MFN2: variants seen among roughly 807,000 people sequenced by gnomAD.
The protein encoded by MFN2 is mitofusin 2, also known as mitofusin-2.
In MFN2, 43 loss-of-function variants were observed where a neutral mutation model predicts 87.5. The observed-to-expected ratio is 0.49, with a 90% CI of 0.38 to 0.63. The LOEUF (loss-of-function observed/expected upper bound fraction) is 0.63. Ranked by LOEUF, MFN2 falls within the 30% of genes least tolerant of loss-of-function variation. The pLI, the probability that MFN2 is intolerant of heterozygous loss-of-function variation, is 0.00. For synonymous variants in MFN2, 337 were observed against 359.9 expected, an observed-to-expected ratio of 0.94 and a Z score of 0.72; for missense variants, 743 against 972.8, an observed-to-expected ratio of 0.76 and a Z score of 3.14.
intron 5 of MFN2, among the ~76,000 whole-genome samples, chr1:11,996,902 G>A (rs1272277745): frequency 6.6e-6 from 1 of 152,182 alleles, no homozygotes; most frequent in Non-Finnish European, 1.5e-5. Context: ...GCTGGGCGTG[G>A]TGGTAGGCAC....
intron 4 of MFN2, among the ~76,000 whole-genome samples, chr1:11,993,270 C>G (rs531337772): frequency 5.9e-5 from 9 of 151,314 alleles, no homozygotes; most frequent in Non-Finnish European, 1.3e-4. Flanking sequence ...AACTTTTATT[C>G]CACTTACATG....
Position 11,992,650 on chromosome 1 carries a change from G to A in MFN2, c.271G>A (p.Val91Met), listed in dbSNP as rs1557519001. ...YLSKVRGISE[V>M]LARRHMKVAF... ...ATCCAAAGTGAGAGGCATCAGTGAG[G>A]TGCTGGCTCGGAGGCACATGAAAGT... Residue 91 changes from valine (V) to methionine (M), a missense_variant, in exon 4 of 19, where the codon GTG (valine) becomes ATG (methionine). Val to Met is a conservative substitution (Grantham distance 21, BLOSUM62 1). Coordinates refer to ENST00000235329, the MANE Select transcript of MFN2 (RefSeq NM_014874.4). 1.2e-6 allele frequency: 2 copies of A among 1,614,220 alleles called. No homozygotes were observed. The highest frequency in any genetic ancestry group is 1.1e-5 in the South Asian group (1 of 91,084).
intron 1 of MFN2, among the ~76,000 whole-genome samples, chr1:11,980,826 C>T (rs1292951821): frequency 6.6e-6 from 1 of 152,244 alleles, no homozygotes; most frequent in East Asian, 1.9e-4. Context: ...TCCACGTTCA[C>T]CGCGGGAGCG....
Position 12,013,313 on chromosome 1 carries a change from C to T in MFN2, c.*1748C>T, listed in dbSNP as rs565302510. 8.5e-6 allele frequency: 4 copies of T among 469,286 alleles called. No individual in the cohort carries two copies. The highest frequency in any genetic ancestry group is 6.3e-5 in the South Asian group (4 of 63,924). The allele number at this position is 469,286 out of a possible 1,614,324, so 29.1% of individuals were successfully genotyped here. On this transcript the variant is annotated 3_prime_UTR_variant, in exon 19 of 19. Coordinates refer to ENST00000235329, the MANE Select transcript of MFN2 (RefSeq NM_014874.4). ...TAAATTTATACCACTGAGGGAGAGA[C>T]CCTTTCTGAAAGAAGTATGGCCAAA...
At chr1:12,006,817 T>C in intron 16 of MFN2, 124 bp downstream of exon 16, 1 of 1,424,146 alleles carries the variant, frequency 7.0e-7, no homozygotes, top group East Asian at 2.3e-5. Context: ...TACTTTCTCC[T>C]CTGTGATTGC....
In MFN2 at chr1:12,013,096, T is replaced by C. The variant is rs1557541291; in HGVS notation, c.*1531T>C. The C allele has an allele frequency of 1.1e-4, 38 of 344,766 alleles. No individual in the cohort carries two copies. The highest frequency in any genetic ancestry group is 8.5e-4 in the South Asian group (38 of 44,736). 21.4% of individuals were successfully genotyped at this position (344,766 alleles called of 1,614,324 possible). A position where few individuals can be genotyped will look rare whatever the true frequency, so the allele number is the denominator to read the frequency against. ...CAGGTGGACATGCTGTGGGTGGATGTTCCCGGCGTGTGCCGGGCCTGAATG... is the reference window on the plus strand; with the variant it reads ...CAGGTGGACATGCTGTGGGTGGATGCTCCCGGCGTGTGCCGGGCCTGAATG... On this transcript the variant is annotated 3_prime_UTR_variant, in exon 19 of 19. Transcript: ENST00000235329.
In MFN2 at chr1:12,002,096, G is replaced by A; in HGVS notation, c.1153G>A (p.Glu385Lys). The A allele has an allele frequency of 6.2e-7, 1 of 1,614,234 alleles. No individual in the cohort carries two copies. The highest frequency in any genetic ancestry group is 8.5e-7 in the Non-Finnish European group (1 of 1,180,038). ...GGACTCCCTGCACATGGCGGCTCGG[G>A]AGCAGCAGTAAGAGTCCAAGACTGC... ...IMDSLHMAAREQQVYCEEMRE... is the reference protein window; with the variant it reads ...IMDSLHMAARKQQVYCEEMRE... Residue 385 changes from glutamate to lysine, a missense_variant, in exon 11 of 19, where the codon GAG (glutamate) becomes AAG (lysine). This residue lies in a region of MFN2 where 571 missense variants were observed against 670.7 expected (regional missense o/e 0.85). Coordinates refer to ENST00000235329, the MANE Select transcript of MFN2 (RefSeq NM_014874.4).
chr1:11,997,346 C>T lies in MFN2; in HGVS notation c.524C>T (p.Ala175Val), dbSNP rs370569875. ...HALHQDKQLH[A>V]GSLVSVMWPN... ...CTCCACCAGGACAAGCAGCTCCATG[C>T]CGGCAGCCTAGTGAGTGTGATGTGG... The change falls in exon 6 of 19, where the codon GCC (alanine) becomes GTC (valine). Residue 175 changes from alanine (A) to valine (V), a missense_variant. Transcript: ENST00000235329. The T allele has an allele frequency of 3.1e-6, 5 of 1,614,192 alleles. No homozygotes were observed. Among genetic ancestry groups the T allele is most frequent in the Non-Finnish European group, 4.2e-6 (5 of 1,180,022 alleles).
chr1:12,011,957 G>A lies in MFN2; in HGVS notation c.*392G>A, dbSNP rs1639715640. The stretch of plus-strand genomic sequence containing the variant: ...ACACCCCCACCTTCCTCCAGCCTGT[G>A]CGCACCTGCCCTCCTTGCAGCCCAG... On this transcript the variant is annotated 3_prime_UTR_variant, in exon 19 of 19. Coordinates refer to ENST00000235329, the MANE Select transcript of MFN2 (RefSeq NM_014874.4). The A allele has an allele frequency of 3.6e-6, 1 of 275,448 alleles. No individual in the cohort carries two copies. The highest frequency in any genetic ancestry group is 7.1e-6 in the Non-Finnish European group (1 of 140,284). The allele number at this position is 275,448 out of a possible 1,614,324, so 17.1% of individuals were successfully genotyped here. A position where few individuals can be genotyped will look rare whatever the true frequency, so the allele number is the denominator to read the frequency against.
chr1:12,004,725 G>T lies in MFN2; in HGVS notation c.1393-100G>T. On this transcript the variant is annotated intron_variant, in intron 13 of 18. Transcript: ENST00000235329. The surrounding 1 kb of genome is among the most constrained non-coding windows in gnomAD (Gnocchi z 4.2). ...GTGACAGTAGAAGCCACAGAGACAAGGCCCAGGCTTCCGTCAGCCTTCTGG... is the reference window on the plus strand; with the variant it reads ...GTGACAGTAGAAGCCACAGAGACAATGCCCAGGCTTCCGTCAGCCTTCTGG... 2 of 1,489,816 alleles carry T rather than the reference G, an allele frequency of 1.3e-6. No homozygotes were observed. The highest frequency in any genetic ancestry group is 1.9e-6 in the Non-Finnish European group (2 of 1,069,630). The allele number at this position is 1,489,816 out of a possible 1,614,324, so 92.3% of individuals were successfully genotyped here. A position where few individuals can be genotyped will look rare whatever the true frequency, so the allele number is the denominator to read the frequency against.
At position 11,989,352 on chromosome 1, in the gene MFN2, G is replaced by C. The variant is rs373340717; in HGVS notation, c.175+9G>C. On this transcript the variant is annotated intron_variant, in intron 3 of 18. Transcript: ENST00000235329. ...CGCCACCTTCCTTGAAGGTAAGGGG[G>C]CACCGGCTCAGCCAGGCCCGCTCTT... The C allele has an allele frequency of 6.2e-7, 1 of 1,613,524 alleles. No individual in the cohort carries two copies. The highest frequency in any genetic ancestry group is 1.7e-5 in the Admixed American group (1 of 59,966).
At chr1:12,010,753 C>T (rs1271858898) in intron 18 of MFN2, among the ~76,000 whole-genome samples, 1 of 152,184 alleles carries the variant, frequency 6.6e-6, no homozygotes, top group Non-Finnish European at 1.5e-5. Flanking sequence ...AGTAAGATTT[C>T]ATGACACAGC....
chr1:11,997,826 AG>A (rs1638977327), intron 6 of MFN2, among the ~76,000 whole-genome samples: 1 of 146,022 alleles, frequency 6.8e-6, no homozygotes, highest in African/African-American at 2.5e-5. Context: ...ACAGTATTGT[AG>A]TGTTTATCTG....
At chr1:12,010,198 G>A (rs1639631512) in intron 18 of MFN2, among the ~76,000 whole-genome samples, 1 of 152,192 alleles carries the variant, frequency 6.6e-6, no homozygotes, top group Non-Finnish European at 1.5e-5. Context: ...CCTCATGGAT[G>A]CCAGATGGTG....
chr1:11,994,228 G>A (rs1288195123), intron 4 of MFN2, among the ~76,000 whole-genome samples: 10 of 152,282 alleles, frequency 6.6e-5, no homozygotes, highest in African/African-American at 2.4e-4. Flanking sequence ...GCTTTGACAT[G>A]GAAGCAGTTT....
chr1:12,011,496 G>A lies in MFN2; in HGVS notation c.2205G>A (p.Arg735=), dbSNP rs757975290. 2.5e-6 allele frequency: 4 copies of A among 1,614,160 alleles called. No homozygotes were observed. The highest frequency in any genetic ancestry group is 3.4e-6 in the Non-Finnish European group (4 of 1,180,024). The change falls in exon 19 of 19, where the codon AGG becomes AGA. Residue 735 remains arginine, a splice_region_variant and synonymous_variant. Coordinates refer to ENST00000235329, the MANE Select transcript of MFN2 (RefSeq NM_014874.4). The part of the protein sequence containing the change: ...DSLQSKAKLL[R]NKAGWLDSEL... ...TTACAAAAGAACCATTTCTTTGCAG[G>A]AATAAAGCCGGTTGGTTGGACAGTG...
intron 6 of MFN2, among the ~76,000 whole-genome samples, chr1:11,997,879 C>CTTTTTTTTTTTTT (rs768355266): frequency 1.0e-5 from 1 of 95,836 alleles, no homozygotes; most frequent in Non-Finnish European, 1.9e-5. Context: ...TGTATATCAT[C>CTTTTTTTTTTTTT]TTTTTTTTTT....
chr1:12,007,762 T>TTTTC (rs1000818434), intron 17 of MFN2, among the ~76,000 whole-genome samples: 1 of 152,070 alleles, frequency 6.6e-6, no homozygotes, highest in East Asian at 1.9e-4. Flanking sequence ...GCCATCTCCT[T>TTTTC]TTTCTTTCTT....
At chr1:11,997,568 C>T in intron 6 of MFN2, 147 bp downstream of exon 6, 1 of 1,113,184 alleles carries the variant, frequency 9.0e-7, no homozygotes, top group Non-Finnish European at 1.3e-6. Flanking sequence ...AATCCTCTGG[C>T]CTCTTGGCTT....
Sources: allele counts gnomAD v4.1 joint callset (sites outside exome capture counted in the v4.1 genomes callset), GRCh38; gene constraint gnomAD v4.1.1; regional missense constraint gnomAD v4.1.1; non-coding constraint Gnocchi (gnomAD v3.1); transcripts MANE v1.5; gene names NCBI Gene and HGNC (gene_info 2026-07-23, HGNC 2026-07-21).